FLNB: variants seen among roughly 807,000 people sequenced by gnomAD.
FLNB encodes the protein filamin-B.
Under a neutral mutation model 250.6 loss-of-function variants are expected in FLNB, and 111 were observed. The observed-to-expected ratio is 0.44, with a 90% CI of 0.38 to 0.52. The LOEUF (loss-of-function observed/expected upper bound fraction) is 0.52. Ranked by LOEUF, FLNB falls within the 20% of genes least tolerant of loss-of-function variation. FLNB has a pLI of 0.00. For missense variants in FLNB, 2,869 were observed against 3,447.8 expected, an observed-to-expected ratio of 0.83 and a Z score of 4.20; for synonymous variants, 1,302 against 1,372.1, an observed-to-expected ratio of 0.95 and a Z score of 1.13.
At chr3:58,101,142 A>G (rs2097250602) in intron 8 of FLNB, among the ~76,000 whole-genome samples, 1 of 152,192 alleles carries the variant, frequency 6.6e-6, no homozygotes, top group Admixed American at 6.5e-5. Context: ...TCTAACTCCA[A>G]GGGTATGTGT....
chr3:58,158,261 T>C (rs1559737678), intron 41 of FLNB, among the ~76,000 whole-genome samples: 1 of 152,250 alleles, frequency 6.6e-6, no homozygotes, highest in Non-Finnish European at 1.5e-5. Flanking sequence ...TGCAGCATGA[T>C]AGCCACTAAC....
At chr3:58,138,190 A>G in intron 28 of FLNB, 92 bp from the exon 29 acceptor site, 1 of 1,558,132 alleles carries the variant, frequency 6.4e-7, no homozygotes, top group South Asian at 1.1e-5. Context: ...TAACATTTAC[A>G]GGCACAGACA....
chr3:58,030,782 G>T (rs1157610182), intron 1 of FLNB, among the ~76,000 whole-genome samples: 1 of 152,136 alleles, frequency 6.6e-6, no homozygotes, highest in East Asian at 1.9e-4. Flanking sequence ...GCTGAGGTGG[G>T]AGGATCACTT....
intron 1 of FLNB, among the ~76,000 whole-genome samples, chr3:58,029,267 C>G (rs779850988): frequency 6.6e-6 from 1 of 152,092 alleles, no homozygotes; most frequent in Non-Finnish European, 1.5e-5. Flanking sequence ...AATACTCTTG[C>G]AACACTCATA....
chr3:58,025,769 T>G (rs2097122754), intron 1 of FLNB, among the ~76,000 whole-genome samples: 1 of 152,118 alleles, frequency 6.6e-6, no homozygotes, highest in African/African-American at 2.4e-5. Context: ...CTACTAAAAA[T>G]ACAAAAATTA....
rs114882667 is a variant in FLNB, at chr3:58,146,911, G to A, written c.5646G>A (p.Pro1882=). ...KDGTCTVTYL[P]TLPGDYSILV... ...GGACATGCACAGTGACCTACCTGCCGACTCTGCCAGGCGACTACAGCATTC... is the reference window on the plus strand; with the variant it reads ...GGACATGCACAGTGACCTACCTGCCAACTCTGCCAGGCGACTACAGCATTC... The change falls in exon 34 of 46, where the codon CCG becomes CCA. Residue 1882 remains proline, a synonymous_variant. Coordinates refer to ENST00000295956, the MANE Select transcript of FLNB (RefSeq NM_001457.4). 1,503 of 1,614,140 alleles carry A rather than the reference G, an allele frequency of 9.3e-4. 8 individuals carry two copies. The African/African-American group carries it at 0.017, about 18-fold the overall frequency.
At chr3:58,068,528 C>T (rs777024850) in intron 1 of FLNB, among the ~76,000 whole-genome samples, 3 of 152,176 alleles carry the variant, frequency 2.0e-5, no homozygotes, top group Non-Finnish European at 4.4e-5. Context: ...TAGGTTTTGA[C>T]TGAGGAACTG....
At chr3:58,129,877 G>A (rs2097303915) in intron 24 of FLNB, among the ~76,000 whole-genome samples, 1 of 152,206 alleles carries the variant, frequency 6.6e-6, no homozygotes, top group South Asian at 2.1e-4. Context: ...CCACAGTGGA[G>A]TCCATGAGTG....
At chr3:58,080,876 C>G (rs1403324949) in intron 3 of FLNB, among the ~76,000 whole-genome samples, 1 of 151,588 alleles carries the variant, frequency 6.6e-6, no homozygotes, top group Non-Finnish European at 1.5e-5. Context: ...TCACTGAAAC[C>G]TCCACCTGCT....
intron 38 of FLNB, 50 bp from the exon 39 acceptor site, chr3:58,153,313 TGCCCTGTCTCAG>T (rs2107288379): frequency 6.3e-7 from 1 of 1,597,572 alleles, no homozygotes; most frequent in Non-Finnish European, 8.6e-7. Context: ...CTGCATGTCC[TGCCCTGTCTCAG>T]GCCCTTGCCC....
intron 19 of FLNB, among the ~76,000 whole-genome samples, chr3:58,120,184 AG>A (rs1254809298): frequency 6.6e-6 from 1 of 152,254 alleles, no homozygotes; most frequent in Admixed American, 6.5e-5. Context: ...CCAGTTGCAG[AG>A]ATCCAAAGTG....
intron 1 of FLNB, among the ~76,000 whole-genome samples, chr3:58,043,438 A>C (rs2097149145): frequency 6.6e-6 from 1 of 152,114 alleles, no homozygotes; most frequent in South Asian, 2.1e-4. Context: ...AGTTTTGTGA[A>C]TTTCTGTTTA....
intron 33 of FLNB, among the ~76,000 whole-genome samples, chr3:58,146,271 A>G (rs1411032162): frequency 1.3e-5 from 2 of 152,214 alleles, no homozygotes; most frequent in African/African-American, 2.4e-5. Context: ...GATTCATGCT[A>G]TGAAATACTT....
intron 1 of FLNB, among the ~76,000 whole-genome samples, chr3:58,021,902 G>A (rs1018233882): frequency 1.1e-4 from 17 of 152,018 alleles, no homozygotes; most frequent in Admixed American, 6.6e-5. Flanking sequence ...AGCCTCCCAC[G>A]TAGTCAGAAT....
chr3:58,143,525 C>G lies in FLNB; in HGVS notation c.5337C>G (p.Asn1779Lys). 1 of 1,614,188 alleles carries G rather than the reference C, an allele frequency of 6.2e-7. No homozygotes were observed. The highest frequency in any genetic ancestry group is 8.5e-7 in the Non-Finnish European group (1 of 1,180,036). The change falls in exon 32 of 46, where the codon AAC (asparagine) becomes AAG (lysine). Residue 1779 changes from asparagine to lysine, a missense_variant. This residue lies in a region of FLNB where 1,084 missense variants were observed against 1,315.5 expected (regional missense o/e 0.82). Coordinates refer to ENST00000295956, the MANE Select transcript of FLNB (RefSeq NM_001457.4). ...GKTATPEIVD[N>K]KDGTVTVRYA... ...CAGCCACACCTGAGATTGTGGACAACAAGGACGGCACGGTCACTGTTAGAT... is the reference window on the plus strand; with the variant it reads ...CAGCCACACCTGAGATTGTGGACAAGAAGGACGGCACGGTCACTGTTAGAT...
At chr3:58,010,038 AAG>A (rs2097096174) in intron 1 of FLNB, among the ~76,000 whole-genome samples, 1 of 151,892 alleles carries the variant, frequency 6.6e-6, no homozygotes, top group African/African-American at 2.4e-5. Flanking sequence ...TGCATATGCA[AAG>A]AGTTTGCATG....
chr3:58,101,465 C>T lies in FLNB; in HGVS notation c.1346-738C>T, dbSNP rs576763233. 2.0e-5 allele frequency among the ~76,000 whole-genome samples: 3 copies of T among 152,300 alleles called. No individual in the cohort carries two copies. In the East Asian group the frequency reaches 5.8e-4, roughly 29 times the overall value. On this transcript the variant is annotated intron_variant, in intron 8 of 45. Coordinates refer to ENST00000295956, the MANE Select transcript of FLNB (RefSeq NM_001457.4). The stretch of plus-strand genomic sequence containing the variant: ...CTCTAGATACCATGGAACAGTAGTT[C>T]TGTGGACATTTCAAGTAAGGCATAT...
intron 1 of FLNB, among the ~76,000 whole-genome samples, chr3:58,033,254 G>C (rs1324203628): frequency 1.3e-5 from 2 of 152,140 alleles, no homozygotes; most frequent in East Asian, 3.8e-4. Context: ...AAGTTTCCTT[G>C]TGCCTCTTTG....
At chr3:58,117,562 G>A (rs1171292360) in intron 18 of FLNB, among the ~76,000 whole-genome samples, 2 of 152,188 alleles carry the variant, frequency 1.3e-5, no homozygotes, top group African/African-American at 4.8e-5. Context: ...CTCGGGAAGA[G>A]TTGGCACGTT....
Sources: gnomAD v4.1 joint callset for allele counts (sites outside exome capture counted in the v4.1 genomes callset) on GRCh38, gnomAD v4.1.1 for gene constraint, gnomAD v4.1.1 regional missense constraint, MANE v1.5 for transcripts, NCBI Gene and HGNC (gene_info 2026-07-23, HGNC 2026-07-21) for gene names.